The following UBE2E2 variants were observed in gnomAD, a reference collection of about 807,000 sequenced individuals.
The protein encoded by UBE2E2 is ubiquitin conjugating enzyme E2 E2.
A neutral mutation model predicts 24.7 loss-of-function variants in UBE2E2; 6 were observed. The ratio of observed to expected loss-of-function variants is 0.24; its 90% CI spans 0.13 to 0.48. The LOEUF is 0.48. Ranked by LOEUF, UBE2E2 falls within the 20% of genes least tolerant of loss-of-function variation. The pLI is 0.99. For missense variants in UBE2E2, 169 were observed against 245.0 expected (o/e 0.69, Z 2.07); for synonymous variants, 104 against 83.6 (o/e 1.24, Z -1.33).
chr3:23,468,009 G>C (rs1698959693), intron 3 of UBE2E2, among the ~76,000 whole-genome samples: 1 of 152,118 alleles, frequency 6.6e-6, no homozygotes, highest in Non-Finnish European at 1.5e-5. Flanking sequence ...CTCCCACCAG[G>C]TCCCTCCTCC....
intron 4 of UBE2E2, among the ~76,000 whole-genome samples, chr3:23,521,238 T>C (rs529681127): frequency 6.6e-6 from 1 of 152,306 alleles, no homozygotes; most frequent in African/African-American, 2.4e-5. Context: ...GTGTGAGACC[T>C]ATAAAAAATG....
intron 3 of UBE2E2, among the ~76,000 whole-genome samples, chr3:23,300,202 A>T (rs6776770): frequency 0.34 from 51,321 of 151,836 alleles, 8,871 homozygotes; most frequent in South Asian, 0.38. Flanking sequence ...GGGTTTCCTG[A>T]ATACAGCACA....
intron 5 of UBE2E2, among the ~76,000 whole-genome samples, chr3:23,559,614 C>G (rs146017397): frequency 3.3e-5 from 5 of 152,294 alleles, no homozygotes; most frequent in South Asian, 4.1e-4. Context: ...CTCCCTCCCC[C>G]ACTCCTTTCC....
chr3:23,230,303 G>A (rs533123584), intron 3 of UBE2E2, among the ~76,000 whole-genome samples: 1 of 152,236 alleles, frequency 6.6e-6, no homozygotes. Flanking sequence ...GCAGCCCAGA[G>A]AGAGAAATAG....
chr3:23,414,700 T>TTAA (rs1697581970), intron 3 of UBE2E2, among the ~76,000 whole-genome samples: 1 of 152,140 alleles, frequency 6.6e-6, no homozygotes, highest in Non-Finnish European at 1.5e-5. Context: ...CGCAATAATA[T>TTAA]TAAGAGGTGA....
intron 3 of UBE2E2, among the ~76,000 whole-genome samples, chr3:23,424,630 A>G: frequency 6.6e-6 from 1 of 152,166 alleles, no homozygotes; most frequent in East Asian, 1.9e-4. Context: ...AAGAATGAAA[A>G]AGCAAATTGA....
At chr3:23,258,023 T>C (rs531864180) in intron 3 of UBE2E2, among the ~76,000 whole-genome samples, 4 of 152,308 alleles carry the variant, frequency 2.6e-5, no homozygotes, top group Admixed American at 2.0e-4. Flanking sequence ...GAGATGACAA[T>C]ACATATGTAA....
intron 3 of UBE2E2, among the ~76,000 whole-genome samples, chr3:23,256,472 C>A: frequency 6.6e-6 from 1 of 151,310 alleles, no homozygotes; most frequent in Middle Eastern, 3.4e-3. Flanking sequence ...TAATTTTTGA[C>A]AAAAAAAACT....
intron 3 of UBE2E2, among the ~76,000 whole-genome samples, chr3:23,353,060 G>A (rs1026503947): frequency 1.3e-5 from 2 of 152,084 alleles, no homozygotes; most frequent in African/African-American, 4.8e-5. Flanking sequence ...TTCATCCCTG[G>A]GATGCAAGGC....
chr3:23,378,311 T>C (rs995049126), intron 3 of UBE2E2, among the ~76,000 whole-genome samples: 1 of 151,234 alleles, frequency 6.6e-6, no homozygotes, highest in African/African-American at 2.4e-5. Context: ...TTAGAGTATA[T>C]AGGAATTTCA....
At chr3:23,349,263 C>T (rs997158789) in intron 3 of UBE2E2, among the ~76,000 whole-genome samples, 12 of 152,086 alleles carry the variant, frequency 7.9e-5, no homozygotes, top group African/African-American at 2.2e-4. Flanking sequence ...CCAAAATGGC[C>T]GAATAGGAAC....
chr3:23,343,211 G>A (rs1695449747), intron 3 of UBE2E2, among the ~76,000 whole-genome samples: 4 of 151,922 alleles, frequency 2.6e-5, no homozygotes, highest in Admixed American at 2.0e-4. Context: ...ACATGGAAAG[G>A]TACTTAGGAC....
chr3:23,223,000 T>C (rs1008238790), intron 3 of UBE2E2, among the ~76,000 whole-genome samples: 2 of 149,966 alleles, frequency 1.3e-5, no homozygotes, highest in Non-Finnish European at 3.0e-5. Flanking sequence ...GAGAAATGTC[T>C]GTTTACATCT....
chr3:23,215,943 TTGTA>T (rs1696464744), intron 2 of UBE2E2, among the ~76,000 whole-genome samples: 1 of 152,160 alleles, frequency 6.6e-6, no homozygotes, highest in African/African-American at 2.4e-5. Context: ...AATATGTACT[TTGTA>T]TGCATATAAA....
At chr3:23,588,436 A>G (rs1401600970) in intron 5 of UBE2E2, among the ~76,000 whole-genome samples, 6 of 75,478 alleles carry the variant, frequency 7.9e-5, no homozygotes, top group Non-Finnish European at 1.3e-4. Context: ...CTTTTTTTTT[A>G]AAGAGGGTCT....
intron 3 of UBE2E2, among the ~76,000 whole-genome samples, chr3:23,308,334 C>T (rs1699288614): frequency 6.6e-6 from 1 of 152,124 alleles, no homozygotes; most frequent in Non-Finnish European, 1.5e-5. Flanking sequence ...CATGAGTTCT[C>T]CCATTATTTT....
intron 3 of UBE2E2, among the ~76,000 whole-genome samples, chr3:23,277,674 C>A (rs1698401276): frequency 6.6e-6 from 1 of 151,968 alleles, no homozygotes; most frequent in Non-Finnish European, 1.5e-5. Flanking sequence ...TTAACTGTAA[C>A]CTGGGCCTTA....
chr3:23,511,501 G>A (rs1694593374), intron 4 of UBE2E2, among the ~76,000 whole-genome samples: 1 of 152,202 alleles, frequency 6.6e-6, no homozygotes, highest in Admixed American at 6.5e-5. Context: ...TGGAGTTCAG[G>A]TGAGTCATAT....
intron 3 of UBE2E2, among the ~76,000 whole-genome samples, chr3:23,477,312 TA>T (rs1699161016): frequency 6.6e-6 from 1 of 152,200 alleles, no homozygotes; most frequent in African/African-American, 2.4e-5. Flanking sequence ...CTTGTGTAAG[TA>T]GAGAAATTTC....
Sources: allele counts gnomAD v4.1 joint callset (sites outside exome capture counted in the v4.1 genomes callset), GRCh38; gene constraint gnomAD v4.1.1; transcripts MANE v1.5; gene names NCBI Gene and HGNC (gene_info 2026-07-23, HGNC 2026-07-21).